The following SPAG16 variants were observed in gnomAD, a reference collection of about 807,000 sequenced individuals.
SPAG16 encodes sperm-associated antigen 16 protein.
In SPAG16, 86 loss-of-function variants were observed where a neutral mutation model predicts 80.4. The ratio of observed to expected loss-of-function variants is 1.07; its 90% CI spans 0.90 to 1.28. The LOEUF (loss-of-function observed/expected upper bound fraction) is 1.28, where lower values mean the gene tolerates loss of function less well. Ranked by LOEUF, SPAG16 falls within the 50% of genes most tolerant of loss-of-function variation. The pLI is 0.00. For synonymous variants in SPAG16, 294 were observed against 265.9 expected (o/e 1.11, Z -1.03); for missense variants, 870 against 765.3 (o/e 1.14, Z -1.61).
At chr2:214,308,481 C>T (rs776576326) in intron 15 of SPAG16, among the ~76,000 whole-genome samples, 7 of 152,074 alleles carry the variant, frequency 4.6e-5, no homozygotes, top group Non-Finnish European at 7.4e-5. Flanking sequence ...TTTATAGTGT[C>T]ACTGGTCTGT....
intron 4 of SPAG16, among the ~76,000 whole-genome samples, chr2:213,311,026 G>T (rs560996109): frequency 6.0e-4 from 91 of 151,424 alleles, no homozygotes; most frequent in African/African-American, 2.1e-3. Flanking sequence ...TTTATTTTTT[G>T]CTTTTTTTGG....
At chr2:213,615,084 A>G (rs183164403) in intron 10 of SPAG16, among the ~76,000 whole-genome samples, 1 of 152,346 alleles carries the variant, frequency 6.6e-6, no homozygotes, top group African/African-American at 2.4e-5. Flanking sequence ...TGATTTACCC[A>G]AGGTCAAGTT....
intron 3 of SPAG16, among the ~76,000 whole-genome samples, chr2:213,302,169 G>A (rs962492055): frequency 6.6e-6 from 1 of 152,146 alleles, no homozygotes; most frequent in Admixed American, 6.6e-5. Flanking sequence ...TGTGGCTAGA[G>A]TAATTTTTGA....
At chr2:213,642,915 A>G (rs2062655068) in intron 10 of SPAG16, among the ~76,000 whole-genome samples, 1 of 150,166 alleles carries the variant, frequency 6.7e-6, no homozygotes, top group Admixed American at 6.6e-5. Context: ...GCCCTCAAAC[A>G]TCGAACTCCA....
chr2:213,597,702 G>GA (rs138466801), intron 10 of SPAG16, among the ~76,000 whole-genome samples: 1,995 of 151,272 alleles, frequency 0.013, 20 homozygotes, highest in South Asian at 0.037. Context: ...TTTCATTTAA[G>GA]AAAAAAAAAT....
intron 10 of SPAG16, among the ~76,000 whole-genome samples, chr2:213,625,182 C>G (rs1158308358): frequency 6.6e-6 from 1 of 152,084 alleles, no homozygotes; most frequent in East Asian, 1.9e-4. Context: ...AAAGACATAC[C>G]TGAGATTGGG....
intron 6 of SPAG16, among the ~76,000 whole-genome samples, chr2:213,347,818 T>G (rs2065082828): frequency 6.6e-6 from 1 of 152,208 alleles, no homozygotes; most frequent in South Asian, 2.1e-4. Context: ...GTGTGGTCAG[T>G]TTTGGAATAA....
chr2:214,042,015 C>G (rs577640890), intron 13 of SPAG16, among the ~76,000 whole-genome samples: 29 of 137,926 alleles, frequency 2.1e-4, no homozygotes, highest in South Asian at 9.4e-4. Flanking sequence ...TATACACACA[C>G]ACACAAATAT....
rs544459522 is a variant in SPAG16 at position 214,390,161 on chromosome 2, G to A, written c.1721-19979G>A. On this transcript the variant is annotated intron_variant, in intron 15 of 15. Coordinates refer to ENST00000331683, the MANE Select transcript of SPAG16 (RefSeq NM_024532.5). ...ATTTTGTATTTCTTGCATTTCTCTA[G>A]TATTCAAGTTAATTACAGTTTCAAT... Among the ~76,000 whole-genome samples, 8 of 151,988 alleles carry A rather than the reference G, an allele frequency of 5.3e-5. No homozygotes were observed. In the East Asian group the frequency reaches 1.5e-3, roughly 29 times the overall value.
chr2:214,374,931 A>G (rs1409403637), intron 15 of SPAG16, among the ~76,000 whole-genome samples: 2 of 152,118 alleles, frequency 1.3e-5, no homozygotes, highest in Non-Finnish European at 2.9e-5. Context: ...ATGATTCAAT[A>G]TCCTCAACTA....
Position 214,179,789 on chromosome 2 carries a change from A to T in SPAG16, c.1720+30523A>T, listed in dbSNP as rs1448866723. Among the ~76,000 whole-genome samples the T allele has an allele frequency of 4.4e-4, 66 of 151,580 alleles. 1 individual carries two copies. In the Admixed American group the frequency reaches 4.4e-3, roughly 10 times the overall value. On this transcript the variant is annotated intron_variant, in intron 15 of 15. Transcript: ENST00000331683. ...TATTTGCAACAGTAAGCCAACTGGT[A>T]TTTGTCAATTACATTTAAATTTAAA...
chr2:214,007,941 C>A (rs1396186474), intron 12 of SPAG16, among the ~76,000 whole-genome samples: 1 of 152,052 alleles, frequency 6.6e-6, no homozygotes, highest in Non-Finnish European at 1.5e-5. Context: ...ATCATTTCTG[C>A]AAAAATATTT....
intron 8 of SPAG16, among the ~76,000 whole-genome samples, chr2:213,372,019 A>G (rs1242662855): frequency 6.6e-6 from 1 of 152,160 alleles, no homozygotes; most frequent in African/African-American, 2.4e-5. Context: ...AGATATTTAA[A>G]CTGAAAATTA....
At chr2:214,296,745 C>T (rs1036203608) in intron 15 of SPAG16, among the ~76,000 whole-genome samples, 3 of 152,028 alleles carry the variant, frequency 2.0e-5, no homozygotes, top group Admixed American at 6.6e-5. Flanking sequence ...GATGTATGTC[C>T]CCTCTAAATT....
chr2:214,143,216 A>G (rs1447889174), intron 14 of SPAG16, among the ~76,000 whole-genome samples: 1 of 131,638 alleles, frequency 7.6e-6, no homozygotes, highest in Non-Finnish European at 1.6e-5. Flanking sequence ...GTGATCACCT[A>G]TTCCATCATA....
intron 11 of SPAG16, among the ~76,000 whole-genome samples, chr2:213,880,151 A>G (rs1241394865): frequency 2.0e-5 from 3 of 152,036 alleles, no homozygotes; most frequent in Non-Finnish European, 4.4e-5. Context: ...TTATTTTTTT[A>G]CTTTTAGTAA....
intron 1 of SPAG16, 92 bp from the exon 2 acceptor site, chr2:213,295,972 T>G: frequency 9.4e-7 from 1 of 1,068,076 alleles, no homozygotes; most frequent in South Asian, 1.4e-5. Flanking sequence ...GTGAGATAGT[T>G]GAATCCAATA....
chr2:213,703,532 A>G (rs1026778390), intron 10 of SPAG16, among the ~76,000 whole-genome samples: 11 of 152,170 alleles, frequency 7.2e-5, no homozygotes, highest in Admixed American at 6.5e-4. Flanking sequence ...AAACATCTTG[A>G]TGGAAGTCTA....
chr2:213,533,877 ATGTTTGCAGACTTT>A (rs1328062255), intron 10 of SPAG16, among the ~76,000 whole-genome samples: 3 of 152,138 alleles, frequency 2.0e-5, no homozygotes, highest in Non-Finnish European at 4.4e-5. Flanking sequence ...CATGCAGTTT[ATGTTTGCAGACTTT>A]TGTTTGCTTA....
Sources: gnomAD v4.1 joint callset for allele counts (sites outside exome capture counted in the v4.1 genomes callset) on GRCh38, gnomAD v4.1.1 for gene constraint, MANE v1.5 for transcripts, NCBI Gene and HGNC (gene_info 2026-07-23, HGNC 2026-07-21) for gene names.